The following ANO2 variants were observed in gnomAD, a reference collection of about 807,000 sequenced individuals.
ANO2 encodes the protein anoctamin-2.
ANO2 carries 101 observed loss-of-function variants against 124.2 expected under a neutral mutation model. The observed-to-expected ratio is 0.81, with a 90% CI of 0.69 to 0.96. The LOEUF (loss-of-function observed/expected upper bound fraction) is 0.96. Among genes scored for constraint, ANO2 ranks in the 40% least tolerant of loss-of-function variants. The pLI, the probability that ANO2 is intolerant of heterozygous loss-of-function variation, is 0.00. For missense variants in ANO2, 1,293 were observed against 1,274.5 expected (o/e 1.01, Z -0.22); for synonymous variants, 486 against 482.5 (o/e 1.01, Z -0.09).
intron 14 of ANO2, among the ~76,000 whole-genome samples, chr12:5,670,192 C>T (rs930368940): frequency 7.2e-5 from 11 of 152,222 alleles, no homozygotes; most frequent in Admixed American, 2.0e-4. Context: ...TAGGTCATCT[C>T]ATCCATAAGG....
At chr12:5,728,223 T>C (rs1950517564) in intron 14 of ANO2, among the ~76,000 whole-genome samples, 1 of 152,164 alleles carries the variant, frequency 6.6e-6, no homozygotes, top group Non-Finnish European at 1.5e-5. Flanking sequence ...CTATCACTAT[T>C]CACAGATAAC....
rs751791420 is a variant in ANO2, at chr12:5,744,258, C to G, written c.1250G>C (p.Cys417Ser). 1.9e-6 allele frequency: 3 copies of G among 1,613,836 alleles called. No individual in the cohort carries two copies. Among genetic ancestry groups the G allele is most frequent in the Non-Finnish European group, 2.5e-6 (3 of 1,179,888 alleles). The change falls in exon 12 of 25, where the codon TGT (cysteine) becomes TCT (serine). Residue 417 changes from cysteine (C) to serine (S), a missense_variant. Coordinates refer to ENST00000682330, the MANE Select transcript of ANO2 (RefSeq NM_001364791.2). ...FTMCPLCDKS[C>S]DYWNLSSACG... ...GGCTGAGCTGAGGTTCCAGTAATCA[C>G]AGGACTTGTCACACAGGGGACACAT...
chr12:5,675,914 C>A (rs946616981), intron 14 of ANO2, among the ~76,000 whole-genome samples: 10 of 152,170 alleles, frequency 6.6e-5, no homozygotes, highest in African/African-American at 2.4e-4. Flanking sequence ...GACTGGGAGG[C>A]CTGTCTTGGT....
intron 16 of ANO2, among the ~76,000 whole-genome samples, chr12:5,624,997 C>T (rs1459231805): frequency 6.6e-6 from 1 of 152,086 alleles, no homozygotes; most frequent in Non-Finnish European, 1.5e-5. Context: ...GTGCAAGGAA[C>T]TGGCCAGTCC....
chr12:5,669,914 C>T (rs965531793), intron 14 of ANO2, among the ~76,000 whole-genome samples: 7 of 152,232 alleles, frequency 4.6e-5, no homozygotes, highest in African/African-American at 1.7e-4. Context: ...TGATGAATTG[C>T]TGATCCTTCA....
chr12:5,712,888 G>A (rs1048994683), intron 14 of ANO2, among the ~76,000 whole-genome samples: 4 of 152,218 alleles, frequency 2.6e-5, no homozygotes, highest in African/African-American at 9.7e-5. Flanking sequence ...CGGCAGAAGA[G>A]GCTCATGTCA....
chr12:5,907,902 A>G (rs1015287663), intron 3 of ANO2, among the ~76,000 whole-genome samples: 1 of 152,242 alleles, frequency 6.6e-6, no homozygotes, highest in African/African-American at 2.4e-5. Flanking sequence ...GCTCCCACGC[A>G]TACCACTGAT....
chr12:5,945,222 T>C lies in ANO2; in HGVS notation c.-5A>G, dbSNP rs1223006877. ...GCGCGGCCCGGGAGTCGCCATGATG[T>C]GGACGCAGACCCCGCCGGCCCGCGG... On this transcript the variant is annotated 5_prime_UTR_variant, in exon 1 of 25. Transcript: ENST00000682330. The C allele has an allele frequency of 7.8e-7, 1 of 1,287,928 alleles. No individual in the cohort carries two copies. The highest frequency in any genetic ancestry group is 2.3e-5 in the Admixed American group (1 of 43,454). The allele number at this position is 1,287,928 out of a possible 1,614,324, so 79.8% of individuals were successfully genotyped here. A position where few individuals can be genotyped will look rare whatever the true frequency, so the allele number is the denominator to read the frequency against.
At chr12:5,674,713 G>A (rs1321700286) in intron 14 of ANO2, among the ~76,000 whole-genome samples, 1 of 152,170 alleles carries the variant, frequency 6.6e-6, no homozygotes, top group Non-Finnish European at 1.5e-5. Flanking sequence ...TGATTGCTGG[G>A]TTTGAATCCT....
intron 20 of ANO2, among the ~76,000 whole-genome samples, chr12:5,584,360 G>A (rs559300904): frequency 6.6e-6 from 1 of 152,284 alleles, no homozygotes; most frequent in African/African-American, 2.4e-5. Context: ...CTCACACCCA[G>A]CTTCCTTCTG....
chr12:5,672,383 G>A (rs868671066), intron 14 of ANO2, among the ~76,000 whole-genome samples: 1 of 152,234 alleles, frequency 6.6e-6, no homozygotes, highest in South Asian at 2.1e-4. Flanking sequence ...TGGAGCCGGG[G>A]AACTATGTTA....
chr12:5,605,301 T>C (rs761742283), intron 19 of ANO2, among the ~76,000 whole-genome samples: 3 of 152,248 alleles, frequency 2.0e-5, no homozygotes, highest in Non-Finnish European at 2.9e-5. Context: ...CCCTCCCGTG[T>C]TGGCTTTAAA....
At chr12:5,704,987 A>C (rs1192914886) in intron 14 of ANO2, among the ~76,000 whole-genome samples, 1 of 152,220 alleles carries the variant, frequency 6.6e-6, no homozygotes, top group Admixed American at 6.5e-5. Flanking sequence ...CCTTAGGGTC[A>C]GAAACATAAT....
intron 10 of ANO2, among the ~76,000 whole-genome samples, chr12:5,785,938 G>A (rs183353401): frequency 9.7e-4 from 147 of 151,876 alleles, no homozygotes; most frequent in Middle Eastern, 6.8e-3. Context: ...GTCCCAACAG[G>A]AAAACACATA....
At chr12:5,946,051 T>TCC, upstream of ANO2, 11 of 1,434,712 alleles carry the variant, frequency 7.7e-6, no homozygotes, top group Non-Finnish European at 1.1e-5. The surrounding 1 kb of genome is among the most constrained non-coding windows in gnomAD (Gnocchi z 4.1). Flanking sequence ...AATCTGCAAC[T>TCC]CCAAGATGCA....
chr12:5,879,149 G>A (rs555160317), intron 3 of ANO2, among the ~76,000 whole-genome samples: 110 of 152,320 alleles, frequency 7.2e-4, no homozygotes, highest in African/African-American at 2.5e-3. Flanking sequence ...AAAAGGGAAA[G>A]GAAGCAGAAG....
intron 16 of ANO2, among the ~76,000 whole-genome samples, chr12:5,619,786 T>C (rs1945019915): frequency 6.6e-6 from 1 of 152,230 alleles, no homozygotes; most frequent in South Asian, 2.1e-4. Flanking sequence ...TATTGGAGGT[T>C]TACAACATTT....
intron 15 of ANO2, among the ~76,000 whole-genome samples, chr12:5,642,072 G>A (rs1413232748): frequency 6.6e-6 from 1 of 152,068 alleles, no homozygotes; most frequent in African/African-American, 2.4e-5. Context: ...TCCTCTCCTT[G>A]CCTGACTTAT....
chr12:5,691,346 AAGAAG>A (rs752818635), intron 14 of ANO2, among the ~76,000 whole-genome samples: 1 of 69,126 alleles, frequency 1.4e-5, no homozygotes. Flanking sequence ...AAAAAAAAAA[AAGAAG>A]AAGAAGAAGA....
Sources: allele counts gnomAD v4.1 joint callset (sites outside exome capture counted in the v4.1 genomes callset), GRCh38; gene constraint gnomAD v4.1.1; non-coding constraint Gnocchi (gnomAD v3.1); transcripts MANE v1.5; gene names NCBI Gene and HGNC (gene_info 2026-07-23, HGNC 2026-07-21).